ZBTB2: variants seen among roughly 807,000 people sequenced by gnomAD.
ZBTB2 encodes the protein zinc finger and BTB domain containing 2.
In ZBTB2, 2 loss-of-function variants were observed where a neutral mutation model predicts 39.5. That is an observed-to-expected ratio of 0.05 (90% CI 0.02 to 0.16). ZBTB2 has a LOEUF of 0.16. ZBTB2 is among the 10% of genes least tolerant of loss of function. The pLI, the probability that ZBTB2 is intolerant of heterozygous loss-of-function variation, is 1.00. For missense variants in ZBTB2, 391 were observed against 653.0 expected (o/e 0.60, Z 4.37); for synonymous variants, 251 against 256.6 (o/e 0.98, Z 0.21).
At chr6:151,382,554 C>CT (rs752839929) in intron 1 of ZBTB2, among the ~76,000 whole-genome samples, 2,277 of 124,910 alleles carry the variant, frequency 0.018, 23 homozygotes, top group African/African-American at 0.035. Context: ...TGCGCCTGGT[C>CT]TTTTTTTTTT....
chr6:151,378,312 A>G (rs1223636176), intron 1 of ZBTB2, among the ~76,000 whole-genome samples: 1 of 151,824 alleles, frequency 6.6e-6, no homozygotes. Flanking sequence ...AGCACGAGAT[A>G]GGAGAGTCAT....
intron 1 of ZBTB2, 138 bp from the exon 2 acceptor site, chr6:151,373,787 A>G: frequency 1.9e-6 from 1 of 536,462 alleles, no homozygotes; most frequent in South Asian, 2.2e-5. Context: ...CGTTACACAG[A>G]TTAACTCATT....
At chr6:151,390,825 C>T (rs897358958) in intron 1 of ZBTB2, among the ~76,000 whole-genome samples, 4 of 149,564 alleles carry the variant, frequency 2.7e-5, no homozygotes, top group East Asian at 2.1e-4. Context: ...GCCGCCGAAG[C>T]AGCAGCGGCG....
At chr6:151,373,109 T>C (rs757607915) in intron 2 of ZBTB2, among the ~76,000 whole-genome samples, 14 of 128,442 alleles carry the variant, frequency 1.1e-4, no homozygotes, top group Non-Finnish European at 1.7e-4. Context: ...GAGCCGAGAT[T>C]GCACCACTGC....
In ZBTB2 at chr6:151,366,587, C is replaced by G; in HGVS notation, c.479G>C (p.Arg160Pro). 2.5e-6 allele frequency: 4 copies of G among 1,613,902 alleles called. No individual in the cohort carries two copies. The highest frequency in any genetic ancestry group is 3.4e-6 in the Non-Finnish European group (4 of 1,179,990). ...CTGGCTTATCCTGGAGGTCTGTGGC[C>G]GTGGATCTCGCCCGAGTTTTTCAGG... Reference protein sequence around the residue: ...SAPEKLGRDPRPQTSRISQEQ... With the variant: ...SAPEKLGRDPPPQTSRISQEQ... The change falls in exon 3 of 3, where the codon CGG (arginine) becomes CCG (proline). Residue 160 changes from arginine to proline, a missense_variant. This residue lies in a region of ZBTB2 where 175 missense variants were observed against 198.6 expected (regional missense o/e 0.88). Transcript: ENST00000325144. This position sits in a 1 kb window ranked among gnomAD's most constrained non-coding sequence, Gnocchi z 7.1.
Position 151,391,557 on chromosome 6 carries a change from C to T in ZBTB2, c.-150G>A. ...CTGCCGCCGCGGTCGGTGTCTCCGG[C>T]GCGGCGGCGGCGGCGGCGGCGGGGC... On this transcript the variant is annotated 5_prime_UTR_variant, in exon 1 of 3. Transcript: ENST00000325144. The T allele has an allele frequency of 1.3e-5, 2 of 153,726 alleles. No homozygotes were observed. Among genetic ancestry groups the T allele is most frequent in the Non-Finnish European group, 2.8e-5 (2 of 70,550 alleles). 9.5% of individuals were successfully genotyped at this position (153,726 alleles called of 1,614,324 possible).
At chr6:151,378,004 G>T (rs1778954538) in intron 1 of ZBTB2, 3 of 151,900 alleles carry the variant, frequency 2.0e-5, no homozygotes, top group African/African-American at 7.3e-5. Flanking sequence ...TTTATTTTTA[G>T]ACTAGTCAAG....
chr6:151,380,715 G>C (rs975270887), intron 1 of ZBTB2, among the ~76,000 whole-genome samples: 1 of 152,166 alleles, frequency 6.6e-6, no homozygotes, highest in Admixed American at 6.5e-5. Context: ...GCAGCTCTCT[G>C]GTTTTCGACT....
At chr6:151,372,821 G>A (rs1191789434) in intron 2 of ZBTB2, among the ~76,000 whole-genome samples, 3 of 152,016 alleles carry the variant, frequency 2.0e-5, no homozygotes, top group African/African-American at 7.2e-5. Context: ...AAAGATTACT[G>A]CTGGAAGGGT....
chr6:151,373,843 TAA>T (rs200070063), intron 1 of ZBTB2, among the ~76,000 whole-genome samples, 194 bp from the exon 2 acceptor site: 1,703 of 46,004 alleles, frequency 0.037, 81 homozygotes, highest in African/African-American at 0.1. Flanking sequence ...ATTATGCCTT[TAA>T]AAAAAAAAAA....
intron 1 of ZBTB2, among the ~76,000 whole-genome samples, chr6:151,390,687 C>T (rs964643744): frequency 6.6e-6 from 1 of 151,748 alleles, no homozygotes; most frequent in Non-Finnish European, 1.5e-5. Flanking sequence ...GCGGCAGCAG[C>T]TGTAGGAGCC....
At chr6:151,373,674 T>G (rs1778834028) in intron 1 of ZBTB2, 25 bp from the exon 2 acceptor site, 1 of 1,600,608 alleles carries the variant, frequency 6.2e-7, no homozygotes, top group South Asian at 1.1e-5. Flanking sequence ...ATTTTATTTT[T>G]AAGAAGGTGA....
Position 151,364,399 on chromosome 6 carries a change from A to G in ZBTB2, c.*1122T>C, listed in dbSNP as rs1339488880. 2.0e-5 allele frequency: 3 copies of G among 152,660 alleles called. No homozygotes were observed. The highest frequency in any genetic ancestry group is 6.5e-5 in the Admixed American group (1 of 15,282). The allele number at this position is 152,660 out of a possible 1,614,324, so 9.5% of individuals were successfully genotyped here. ...GGCATTAAGAAAGAAGAAAGAAAAA[A>G]AAACAACCAAAAACCTGGAGAATAA... On this transcript the variant is annotated 3_prime_UTR_variant, in exon 3 of 3. Transcript: ENST00000325144.
intron 2 of ZBTB2, among the ~76,000 whole-genome samples, chr6:151,368,615 G>A (rs1026592443): frequency 2.6e-5 from 4 of 151,232 alleles, no homozygotes; most frequent in South Asian, 2.1e-4. Flanking sequence ...CACCAGTCCC[G>A]GCTAGTTTTT....
At position 151,366,509 on chromosome 6, in the gene ZBTB2, T is replaced by C. The variant is rs780262744; in HGVS notation, c.557A>G (p.Gln186Arg). 12 of 1,613,998 alleles carry C rather than the reference T, an allele frequency of 7.4e-6. No homozygotes were observed. In the East Asian group the frequency reaches 1.8e-4, roughly 24 times the overall value. The change falls in exon 3 of 3, where the codon CAG becomes CGG. Residue 186 changes from glutamine to arginine, a missense_variant. Around this residue, in one of 7 missense-constraint regions of ZBTB2, gnomAD observed 175 missense variants for 198.6 expected, o/e 0.88. Coordinates refer to ENST00000325144, the MANE Select transcript of ZBTB2 (RefSeq NM_020861.3). This position sits in a 1 kb window ranked among gnomAD's most constrained non-coding sequence, Gnocchi z 7.1. The stretch of plus-strand genomic sequence containing the variant: ...GGGAGTCATATTTGTCCGATTCACC[T>C]GGGCCAGATTTGAAGTCAGCTGGGA... ...QLSQLTSNLA[Q>R]VNRTNMTPSD... is the part of the protein sequence containing the mutation.
At chr6:151,379,528 G>C (rs2114870713) in intron 1 of ZBTB2, among the ~76,000 whole-genome samples, 1 of 150,850 alleles carries the variant, frequency 6.6e-6, no homozygotes, top group Middle Eastern at 3.5e-3. Flanking sequence ...TGTGGTCCCA[G>C]CTACTCTGGA....
intron 1 of ZBTB2, among the ~76,000 whole-genome samples, chr6:151,375,433 T>C (rs1234778818): frequency 1.3e-5 from 2 of 152,218 alleles, no homozygotes; most frequent in Non-Finnish European, 2.9e-5. Flanking sequence ...AGATACCAAT[T>C]TTCCCAAACT....
Position 151,365,545 on chromosome 6 carries a change from T to C in ZBTB2, c.1521A>G (p.Glu507=), listed in dbSNP as rs750361244. The C allele has an allele frequency of 6.2e-7, 1 of 1,611,478 alleles. No individual in the cohort carries two copies. The highest frequency in any genetic ancestry group is 1.3e-5 in the African/African-American group (1 of 74,780). ...TTCAGTCTAGTAAGACGGTTTCTTG[T>C]TCCTTTTTGATGGAAGCTAACACTG... ...DHPVLASIKK[E]QETVLLD The change falls in exon 3 of 3, where the codon GAA becomes GAG. Residue 507 remains glutamate, a synonymous_variant. Coordinates refer to ENST00000325144, the MANE Select transcript of ZBTB2 (RefSeq NM_020861.3). The surrounding 1 kb of genome is among the most constrained non-coding windows in gnomAD (Gnocchi z 5.6).
rs181102273 is a variant in ZBTB2, at chr6:151,364,451, C to G, written c.*1070G>C. 1 of 152,644 alleles carries G rather than the reference C, an allele frequency of 6.6e-6. No homozygotes were observed. Among genetic ancestry groups the G allele is most frequent in the South Asian group, 2.1e-4 (1 of 4,828 alleles). 9.5% of individuals were successfully genotyped at this position (152,644 alleles called of 1,614,324 possible). ...CATCAAAATCAAGTTTTTTCCCAAACAGCAATTAGATTTTTTGTCCTGATT... is the reference window on the plus strand; with the variant it reads ...CATCAAAATCAAGTTTTTTCCCAAAGAGCAATTAGATTTTTTGTCCTGATT... On this transcript the variant is annotated 3_prime_UTR_variant, in exon 3 of 3. Coordinates refer to ENST00000325144, the MANE Select transcript of ZBTB2 (RefSeq NM_020861.3).
Sources: gnomAD v4.1 joint callset for allele counts (sites outside exome capture counted in the v4.1 genomes callset) on GRCh38, gnomAD v4.1.1 for gene constraint, gnomAD v4.1.1 regional missense constraint, Gnocchi (gnomAD v3.1) non-coding constraint, MANE v1.5 for transcripts, NCBI Gene and HGNC (gene_info 2026-07-23, HGNC 2026-07-21) for gene names.